Variants in ARHGAP10 observed in about 807,000 individuals in gnomAD.
The protein encoded by ARHGAP10 is rho GTPase-activating protein 10.
A neutral mutation model predicts 108.6 loss-of-function variants in ARHGAP10; 87 were observed. The ratio of observed to expected loss-of-function variants is 0.80; its 90% CI spans 0.67 to 0.96. The LOEUF (loss-of-function observed/expected upper bound fraction) is 0.96, where lower values mean the gene tolerates loss of function less well. ARHGAP10 is among the 40% of genes least tolerant of loss of function. ARHGAP10 has a pLI of 0.00. For synonymous variants in ARHGAP10, 347 were observed against 341.1 expected, an observed-to-expected ratio of 1.02 and a Z score of -0.19; for missense variants, 939 against 954.5, an observed-to-expected ratio of 0.98 and a Z score of 0.21.
At chr4:147,932,554 CAG>C (rs1274309178) in intron 13 of ARHGAP10, among the ~76,000 whole-genome samples, 1 of 147,806 alleles carries the variant, frequency 6.8e-6, no homozygotes, top group African/African-American at 2.5e-5. Flanking sequence ...AATGCAGAAA[CAG>C]AAAACCAAAT....
At chr4:147,762,454 A>T (rs1464203370) in intron 1 of ARHGAP10, among the ~76,000 whole-genome samples, 1 of 152,098 alleles carries the variant, frequency 6.6e-6, no homozygotes. Context: ...CAAAAGGAAA[A>T]CAAGAGTTGA....
In ARHGAP10 at chr4:148,019,157, C is replaced by G. The variant is rs149741079; in HGVS notation, c.1717-4106C>G. ...TTAGCCTGTTACTTGATGTCCTTTTCCAGAGCACTTTAGAATAACTTGGCT... is the reference window on the plus strand; with the variant it reads ...TTAGCCTGTTACTTGATGTCCTTTTGCAGAGCACTTTAGAATAACTTGGCT... On this transcript the variant is annotated intron_variant, in intron 18 of 22. Coordinates refer to ENST00000336498, the MANE Select transcript of ARHGAP10 (RefSeq NM_024605.4). Among the ~76,000 whole-genome samples the G allele has an allele frequency of 6.6e-5, 10 of 152,270 alleles. No individual in the cohort carries two copies. In the East Asian group the frequency reaches 1.9e-3, roughly 29 times the overall value.
chr4:147,783,601 G>C (rs539214888), intron 1 of ARHGAP10, among the ~76,000 whole-genome samples: 29 of 144,698 alleles, frequency 2.0e-4, no homozygotes, highest in South Asian at 6.8e-4. Flanking sequence ...ACATTAAATT[G>C]TGTATTGTAT....
At chr4:148,030,845 G>T (rs1168342702) in intron 19 of ARHGAP10, among the ~76,000 whole-genome samples, 1 of 151,192 alleles carries the variant, frequency 6.6e-6, no homozygotes. Flanking sequence ...GCAGTACAGG[G>T]TCACCTTTAG....
At chr4:147,854,091 C>CT (rs754892950) in intron 4 of ARHGAP10, among the ~76,000 whole-genome samples, 17 of 151,850 alleles carry the variant, frequency 1.1e-4, no homozygotes, top group Admixed American at 5.9e-4. Flanking sequence ...TAACGTATGT[C>CT]TTTTTTTTGA....
At chr4:147,868,286 A>T (rs1560800035) in intron 7 of ARHGAP10, among the ~76,000 whole-genome samples, 1 of 151,506 alleles carries the variant, frequency 6.6e-6, no homozygotes, top group Non-Finnish European at 1.5e-5. Flanking sequence ...GCTGAGGCTG[A>T]AGTGCAGTGG....
chr4:148,069,947 T>C (rs562348514), intron 22 of ARHGAP10, among the ~76,000 whole-genome samples: 10 of 152,344 alleles, frequency 6.6e-5, no homozygotes, highest in Admixed American at 6.5e-4. Context: ...CTAAAAATCC[T>C]GGTATGAAGA....
At chr4:147,835,825 T>C (rs1335949854) in intron 3 of ARHGAP10, among the ~76,000 whole-genome samples, 1 of 152,256 alleles carries the variant, frequency 6.6e-6, no homozygotes, top group Non-Finnish European at 1.5e-5. Context: ...CATGAAACTT[T>C]AATTTCTATG....
intron 18 of ARHGAP10, among the ~76,000 whole-genome samples, chr4:147,982,320 C>T (rs1315460607): frequency 4.0e-5 from 6 of 149,564 alleles, no homozygotes; most frequent in Admixed American, 6.7e-5. Context: ...TGGACTCGGT[C>T]GTCTTGTATC....
intron 10 of ARHGAP10, among the ~76,000 whole-genome samples, chr4:147,888,374 G>A (rs756146754): frequency 6.6e-6 from 1 of 152,160 alleles, no homozygotes; most frequent in East Asian, 1.9e-4. Context: ...AAACAGTGTC[G>A]ATGTGGTGAA....
intron 18 of ARHGAP10, among the ~76,000 whole-genome samples, chr4:147,971,343 T>C (rs1011280048): frequency 4.6e-5 from 7 of 151,898 alleles, no homozygotes; most frequent in African/African-American, 1.7e-4. Flanking sequence ...ATTCATGGTG[T>C]GAGATTTGGG....
intron 19 of ARHGAP10, among the ~76,000 whole-genome samples, chr4:148,038,366 G>A (rs1480939996): frequency 6.6e-6 from 1 of 152,130 alleles, no homozygotes; most frequent in Admixed American, 6.5e-5. Context: ...TTTTAAACAG[G>A]CTTATACTAA....
intron 11 of ARHGAP10, among the ~76,000 whole-genome samples, chr4:147,909,044 C>T (rs530258826): frequency 1.3e-5 from 2 of 152,264 alleles, no homozygotes; most frequent in Non-Finnish European, 2.9e-5. Context: ...TTCAGGTGCC[C>T]ATCACAAGTC....
intron 13 of ARHGAP10, among the ~76,000 whole-genome samples, chr4:147,915,152 G>A (rs545431737): frequency 3.9e-5 from 6 of 152,228 alleles, no homozygotes; most frequent in East Asian, 1.9e-4. Flanking sequence ...GTAGGATATC[G>A]GCGGAGTAGG....
chr4:148,003,947 A>G (rs184631684), intron 18 of ARHGAP10, among the ~76,000 whole-genome samples: 8 of 152,356 alleles, frequency 5.3e-5, no homozygotes, highest in Admixed American at 4.6e-4. Context: ...CTGCAAAATT[A>G]TGCTAAGAGA....
At chr4:147,766,576 A>C (rs1302449282) in intron 1 of ARHGAP10, among the ~76,000 whole-genome samples, 3 of 144,622 alleles carry the variant, frequency 2.1e-5, no homozygotes, top group African/African-American at 7.5e-5. Context: ...GTGTGTGTGT[A>C]TATATACACA....
chr4:147,843,029 G>A (rs1452411598), intron 3 of ARHGAP10, among the ~76,000 whole-genome samples: 1 of 152,136 alleles, frequency 6.6e-6, no homozygotes, highest in Non-Finnish European at 1.5e-5. Flanking sequence ...AAGTGACCTT[G>A]TTTTGTACTT....
chr4:147,818,874 T>C lies in ARHGAP10; in HGVS notation c.155-3853T>C, dbSNP rs1174916421. ...TATAATTATTAAAAGAAATAGAATA[T>C]GGTGTGGTCAGATTTTTAACAGTGG... On this transcript the variant is annotated intron_variant, in intron 1 of 22. Coordinates refer to ENST00000336498, the MANE Select transcript of ARHGAP10 (RefSeq NM_024605.4). Among the ~76,000 whole-genome samples, 4 of 152,300 alleles carry C rather than the reference T, an allele frequency of 2.6e-5. No individual in the cohort carries two copies. In the East Asian group the frequency reaches 5.8e-4, roughly 22 times the overall value.
At chr4:147,855,454 A>G (rs1202272591) in intron 4 of ARHGAP10, among the ~76,000 whole-genome samples, 2 of 152,250 alleles carry the variant, frequency 1.3e-5, no homozygotes, top group African/African-American at 4.8e-5. Context: ...TGTAAATTAA[A>G]AAAACCTAGA....
Sources: gnomAD v4.1 joint callset for allele counts (sites outside exome capture counted in the v4.1 genomes callset) on GRCh38, gnomAD v4.1.1 for gene constraint, MANE v1.5 for transcripts, NCBI Gene and HGNC (gene_info 2026-07-23, HGNC 2026-07-21) for gene names.